The following KRABD3 variants were observed in gnomAD, a reference collection of about 807,000 sequenced individuals.
KRABD3 encodes the protein KRAB domain containing 3.
chr7:149,733,494 C>T, the KRABD3 span: 1 of 1,583,264 alleles, frequency 6.3e-7, no homozygotes, highest in East Asian at 2.3e-5. Context: ...GGCCCTGGGC[C>T]AATGGGCCAA....
chr7:149,730,888 A>G, the KRABD3 span, among the ~76,000 whole-genome samples: 291 of 152,324 alleles, frequency 1.9e-3, no homozygotes, highest in Non-Finnish European at 3.4e-3. Context: ...TGCTTTTAAA[A>G]CTTGGCAATC....
the KRABD3 span, among the ~76,000 whole-genome samples, chr7:149,719,160 G>A: frequency 2.0e-5 from 3 of 152,186 alleles, no homozygotes; most frequent in African/African-American, 7.2e-5. This position sits in a 1 kb window ranked among gnomAD's most constrained non-coding sequence, Gnocchi z 5.6. Context: ...GCTTGTGGCT[G>A]CATGACTGTA....
the KRABD3 span, chr7:149,729,309 C>T: frequency 1.2e-6 from 2 of 1,600,320 alleles, no homozygotes; most frequent in South Asian, 2.3e-5. Context: ...CCGCCTGCCA[C>T]CAGCGGGGGT....
the KRABD3 span, chr7:149,721,886 C>T: frequency 2.6e-5 from 12 of 458,140 alleles, no homozygotes; most frequent in African/African-American, 5.9e-5. Context: ...CGTCTCATCA[C>T]AGCAACCCTA....
chr7:149,719,812 G>A, the KRABD3 span: 3 of 1,246,454 alleles, frequency 2.4e-6, no homozygotes, highest in East Asian at 5.2e-5. This position sits in a 1 kb window ranked among gnomAD's most constrained non-coding sequence, Gnocchi z 5.6. Flanking sequence ...GCTATTCTAT[G>A]TCCCGGGACC....
At chr7:149,719,721 G>T in the KRABD3 span, 42 of 1,571,092 alleles carry the variant, frequency 2.7e-5, no homozygotes, top group Non-Finnish European at 3.0e-5. The surrounding 1 kb of genome is among the most constrained non-coding windows in gnomAD (Gnocchi z 5.6). Flanking sequence ...GGTGGGCGGT[G>T]GAAGGGAGGC....
At chr7:149,715,013 C>A in the KRABD3 span, 3 of 1,226,554 alleles carry the variant, frequency 2.4e-6, no homozygotes, top group Non-Finnish European at 2.0e-6. Flanking sequence ...CGCCAGGGCC[C>A]GCGCCGGAAA....
At chr7:149,719,690 C>T in the KRABD3 span, 1 of 1,594,286 alleles carries the variant, frequency 6.3e-7, no homozygotes. This position sits in a 1 kb window ranked among gnomAD's most constrained non-coding sequence, Gnocchi z 5.6. Flanking sequence ...CGGGAGGGAG[C>T]AGCACGTGTG....
the KRABD3 span, chr7:149,733,934 G>A: frequency 1.8e-5 from 29 of 1,596,780 alleles, no homozygotes; most frequent in African/African-American, 1.9e-4. Flanking sequence ...GGCACCAGAC[G>A]GGATCCCAGA....
At chr7:149,721,502 G>A in the KRABD3 span, 1 of 1,612,456 alleles carries the variant, frequency 6.2e-7, no homozygotes, top group African/African-American at 1.3e-5. Context: ...TGGCCCAACT[G>A]GTGACGGGGT....
At chr7:149,731,622 T>C in the KRABD3 span, 2 of 1,372,630 alleles carry the variant, frequency 1.5e-6, no homozygotes, top group South Asian at 2.5e-5. Context: ...AGAATGGCTC[T>C]GGCCAAACGA....
the KRABD3 span, among the ~76,000 whole-genome samples, chr7:149,721,220 C>T: frequency 1.3e-4 from 20 of 152,332 alleles, no homozygotes; most frequent in African/African-American, 4.8e-4. Flanking sequence ...TTGTCACCCT[C>T]CACCCACCAT....
the KRABD3 span, among the ~76,000 whole-genome samples, chr7:149,727,233 GTAT>G: frequency 6.6e-6 from 1 of 152,166 alleles, no homozygotes; most frequent in Admixed American, 6.5e-5. Flanking sequence ...GACTGCCAAT[GTAT>G]TTACTGAACA....
the KRABD3 span, among the ~76,000 whole-genome samples, chr7:149,731,454 C>T: frequency 2.0e-3 from 312 of 152,332 alleles, 2 homozygotes; most frequent in African/African-American, 7.0e-3. Context: ...CTCCTCCTGC[C>T]GGAGCCCCCT....
the KRABD3 span, chr7:149,733,957 G>A: frequency 6.2e-7 from 1 of 1,602,906 alleles, no homozygotes; most frequent in Non-Finnish European, 8.5e-7. Context: ...GGCCCAAGGA[G>A]CCGAGCAGCC....
At chr7:149,722,737 C>T in the KRABD3 span, 1 of 1,547,424 alleles carries the variant, frequency 6.5e-7, no homozygotes, top group Non-Finnish European at 8.7e-7. Flanking sequence ...CTCCCGGTGT[C>T]CCGTCAGGAC....
chr7:149,717,857 G>A, the KRABD3 span, among the ~76,000 whole-genome samples: 1 of 152,214 alleles, frequency 6.6e-6, no homozygotes, highest in Non-Finnish European at 1.5e-5. Flanking sequence ...ACAGGGGCTG[G>A]AGTACAATGT....
chr7:149,720,695 C>A, the KRABD3 span: 1 of 906,118 alleles, frequency 1.1e-6, no homozygotes, highest in Non-Finnish European at 1.6e-6. Flanking sequence ...CTCTATATCT[C>A]ATGGGACATG....
the KRABD3 span, chr7:149,733,913 A>AC: frequency 6.3e-7 from 1 of 1,592,890 alleles, no homozygotes; most frequent in Non-Finnish European, 8.5e-7. Context: ...AGACGTGCCG[A>AC]CCTCAGGAGT....
Sources: gnomAD v4.1 joint callset for allele counts (sites outside exome capture counted in the v4.1 genomes callset) on GRCh38, gnomAD v4.1.1 for gene constraint, Gnocchi (gnomAD v3.1) non-coding constraint, MANE v1.5 for transcripts, NCBI Gene and HGNC (gene_info 2026-07-23, HGNC 2026-07-21) for gene names.